The following NEK4 variants were observed in gnomAD, a reference collection of about 807,000 sequenced individuals.
NEK4 encodes the protein serine/threonine-protein kinase Nek4.
A neutral mutation model predicts 98.4 loss-of-function variants in NEK4; 86 were observed. That is an observed-to-expected ratio of 0.87 (90% confidence interval 0.73 to 1.05). The LOEUF is 1.05. NEK4 is among the 50% of genes least tolerant of loss of function. The pLI, the probability that NEK4 is intolerant of heterozygous loss-of-function variation, is 0.00. For missense variants in NEK4, 898 were observed against 950.3 expected, an observed-to-expected ratio of 0.94 and a Z score of 0.72; for synonymous variants, 328 against 342.2, an observed-to-expected ratio of 0.96 and a Z score of 0.46.
At chr3:52,752,955 A>ACACAC (rs1559441493) in intron 6 of NEK4, among the ~76,000 whole-genome samples, 6 of 125,990 alleles carry the variant, frequency 4.8e-5, no homozygotes, top group Admixed American at 1.7e-4. Context: ...CACACACACA[A>ACACAC]TGGAATATTT....
chr3:52,714,679 G>C (rs2097353491), intron 15 of NEK4, among the ~76,000 whole-genome samples: 1 of 152,202 alleles, frequency 6.6e-6, no homozygotes, highest in Non-Finnish European at 1.5e-5. Flanking sequence ...GGGGAGCAGC[G>C]TGGTCGGGCG....
chr3:52,744,274 C>T lies in NEK4; in HGVS notation c.1859G>A (p.Arg620Gln), dbSNP rs769037062. 6.8e-6 allele frequency: 11 copies of T among 1,613,892 alleles called. No individual in the cohort carries two copies. Among genetic ancestry groups the T allele is most frequent in the African/African-American group, 1.3e-5 (1 of 75,042 alleles). ...CATTTCTTCCTGTGACTGCTTTAGT[C>T]GCCTCCTCTCTCTGGCTGATAATGG... ...DRPLSARERR[R>Q]LKQSQEEMSS... The change falls in exon 11 of 16, where the codon CGA becomes CAA. Residue 620 changes from arginine to glutamine, a missense_variant. By Grantham distance (43) the Arg-to-Gln change is conservative. Coordinates refer to ENST00000233027, the MANE Select transcript of NEK4 (RefSeq NM_003157.6).
At position 52,739,642 on chromosome 3, in the gene NEK4, A is replaced by G. The variant is rs776097978; in HGVS notation, c.2094-8T>C. 15 of 1,594,802 alleles carry G rather than the reference A, an allele frequency of 9.4e-6. No individual in the cohort carries two copies. The highest frequency in any genetic ancestry group is 7.8e-5 in the South Asian group (7 of 89,616). On this transcript the variant is annotated splice_polypyrimidine_tract_variant and splice_region_variant and intron_variant, in intron 13 of 15. Transcript: ENST00000233027. ...TCATTTGTCTGACCTTTCCTGGGGGAAAAAAATATCCCTTTGTTATTTAAT... is the reference window on the plus strand; with the variant it reads ...TCATTTGTCTGACCTTTCCTGGGGGGAAAAAATATCCCTTTGTTATTTAAT...
chr3:52,724,232 AACAC>A (rs10528307), intron 15 of NEK4, among the ~76,000 whole-genome samples: 31 of 145,298 alleles, frequency 2.1e-4, no homozygotes, highest in Admixed American at 9.7e-4. Context: ...TTTGTCTTAA[AACAC>A]ACACACACAC....
intron 15 of NEK4, among the ~76,000 whole-genome samples, chr3:52,720,698 G>C (rs2097359302): frequency 6.6e-6 from 1 of 152,126 alleles, no homozygotes; most frequent in South Asian, 2.1e-4. Context: ...GTGAAATAAG[G>C]AAATTCCCAG....
At chr3:52,753,935 C>T (rs531595465) in intron 6 of NEK4, 14 of 302,414 alleles carry the variant, frequency 4.6e-5, no homozygotes, top group Non-Finnish European at 7.7e-5. Flanking sequence ...TTTGAGAGTC[C>T]GAGGCGGTGG....
chr3:52,741,357 T>C (rs754287348), intron 13 of NEK4, 54 bp downstream of exon 13: 237 of 1,027,672 alleles, frequency 2.3e-4, no homozygotes, highest in Non-Finnish European at 3.3e-4. Flanking sequence ...GCACATTTAA[T>C]ATTCATTAAA....
At chr3:52,729,945 TA>T (rs55741629) in intron 15 of NEK4, among the ~76,000 whole-genome samples, 4 of 151,444 alleles carry the variant, frequency 2.6e-5, no homozygotes, top group Non-Finnish European at 5.9e-5. Flanking sequence ...CCATCTCTAC[TA>T]AAAATGCAAA....
At chr3:52,716,447 GCTCT>G (rs897878412) in intron 15 of NEK4, among the ~76,000 whole-genome samples, 3 of 152,318 alleles carry the variant, frequency 2.0e-5, no homozygotes, top group South Asian at 2.1e-4. Flanking sequence ...GTCGTATGAA[GCTCT>G]CTCTGTTTTA....
At chr3:52,740,394 T>C (rs1385447257) in intron 13 of NEK4, among the ~76,000 whole-genome samples, 3 of 151,196 alleles carry the variant, frequency 2.0e-5, no homozygotes, top group African/African-American at 4.9e-5. Context: ...AAATGAAAGA[T>C]ACAATATATT....
chr3:52,718,816 C>A (rs1236592777), intron 15 of NEK4, among the ~76,000 whole-genome samples: 1 of 152,182 alleles, frequency 6.6e-6, no homozygotes, highest in Non-Finnish European at 1.5e-5. Flanking sequence ...TGCAATGGCA[C>A]AATCTCGGCT....
chr3:52,732,696 C>T, intron 15 of NEK4: 1 of 307,834 alleles, frequency 3.2e-6, no homozygotes. Context: ...AGGAGAACTA[C>T]AGGAACCTGG....
chr3:52,757,278 C>T (rs969710166), intron 6 of NEK4, among the ~76,000 whole-genome samples: 2 of 152,196 alleles, frequency 1.3e-5, no homozygotes, highest in Admixed American at 6.5e-5. Context: ...AGGGTCTTAG[C>T]TGGGAGCAGA....
At position 52,768,408 on chromosome 3, in the gene NEK4, T is replaced by G; in HGVS notation, c.290A>C (p.Glu97Ala). ...EGGDLYRKLK[E>A]QKGQLLPENQ... Reference sequence around the variant, plus strand: ...CTCAGGCAGAAGCTGCCCTTTCTGCTCCTTGAGCTTTCGGTACAAATCACC... The same window carrying G: ...CTCAGGCAGAAGCTGCCCTTTCTGCGCCTTGAGCTTTCGGTACAAATCACC... The change falls in exon 2 of 16, where the codon GAG becomes GCG. Residue 97 changes from glutamate to alanine, a missense_variant. Glu to Ala is a moderately radical substitution (Grantham distance 107). Coordinates refer to ENST00000233027, the MANE Select transcript of NEK4 (RefSeq NM_003157.6). The G allele has an allele frequency of 6.2e-7, 1 of 1,614,072 alleles. No individual in the cohort carries two copies.
intron 7 of NEK4, among the ~76,000 whole-genome samples, chr3:52,751,621 CAA>C (rs367696490): frequency 5.1e-5 from 7 of 137,388 alleles, no homozygotes; most frequent in Non-Finnish European, 7.9e-5. Context: ...AACTCTGTCT[CAA>C]AAAAAAAAAG....
rs760302938 is a variant in NEK4, at chr3:52,752,283, C to T, written c.1017G>A (p.Lys339=). ...TATGGGCTTTCAGACTGGCAGGTGA[C>T]TTCAAGAGACCAGAGGCCCTGGGTT... ...QEKPRASGLL[K]SPASLKAHTC... Residue 339 remains lysine (K), a synonymous_variant, in exon 7 of 16, where the codon AAG becomes AAA. Transcript: ENST00000233027. The T allele has an allele frequency of 2.3e-5, 37 of 1,614,040 alleles. No homozygotes were observed. Among genetic ancestry groups the T allele is most frequent in the Non-Finnish European group, 4.2e-6 (5 of 1,180,044 alleles).
At chr3:52,745,522 T>C (rs548494693) in intron 10 of NEK4, among the ~76,000 whole-genome samples, 55 of 151,134 alleles carry the variant, frequency 3.6e-4, no homozygotes, top group Non-Finnish European at 6.9e-4. Context: ...GAGATTGTAG[T>C]GAGCCAAGAT....
chr3:52,736,809 T>C (rs560997733), intron 15 of NEK4, among the ~76,000 whole-genome samples: 1 of 152,286 alleles, frequency 6.6e-6, no homozygotes, highest in African/African-American at 2.4e-5. Flanking sequence ...AAATGAAATT[T>C]CATTTAAAAA....
At chr3:52,758,396 A>C (rs1698216706) in intron 6 of NEK4, among the ~76,000 whole-genome samples, 1 of 152,024 alleles carries the variant, frequency 6.6e-6, no homozygotes, top group South Asian at 2.1e-4. Context: ...AAAATAGTAA[A>C]TTTTACATTA....
Sources: gnomAD v4.1 joint callset for allele counts (sites outside exome capture counted in the v4.1 genomes callset) on GRCh38, gnomAD v4.1.1 for gene constraint, MANE v1.5 for transcripts, NCBI Gene and HGNC (gene_info 2026-07-23, HGNC 2026-07-21) for gene names.